CATSPERE: variants seen among roughly 807,000 people sequenced by gnomAD.
The protein encoded by CATSPERE is catsper channel auxiliary subunit epsilon, also known as cation channel sperm-associated auxiliary subunit epsilon.
In CATSPERE, 93 loss-of-function variants were observed where a neutral mutation model predicts 114.1. That is an observed-to-expected ratio of 0.81 (90% CI 0.69 to 0.97). The LOEUF (loss-of-function observed/expected upper bound fraction) is 0.97. CATSPERE is among the 50% of genes least tolerant of loss of function. CATSPERE has a pLI of 0.00. For missense variants in CATSPERE, 1,058 were observed against 1,131.6 expected, an observed-to-expected ratio of 0.93 and a Z score of 0.93; for synonymous variants, 341 against 384.1, an observed-to-expected ratio of 0.89 and a Z score of 1.31.
intron 8 of CATSPERE, among the ~76,000 whole-genome samples, chr1:244,549,640 T>C (rs1045007448): frequency 6.6e-6 from 1 of 152,114 alleles, no homozygotes; most frequent in Non-Finnish European, 1.5e-5. Flanking sequence ...GCATTTTCAG[T>C]TGTTGTGCAG....
intron 7 of CATSPERE, among the ~76,000 whole-genome samples, chr1:244,503,742 G>A (rs1215013736): frequency 6.6e-6 from 1 of 152,046 alleles, no homozygotes. Flanking sequence ...ACCACACTTG[G>A]CTAATTTTTG....
chr1:244,489,450 ATTT>A (rs10524749), intron 5 of CATSPERE, among the ~76,000 whole-genome samples: 2 of 85,542 alleles, frequency 2.3e-5, no homozygotes, highest in African/African-American at 4.5e-5. Context: ...AAGCATGCAG[ATTT>A]TTTTTTTTTT....
intron 19 of CATSPERE, among the ~76,000 whole-genome samples, chr1:244,615,950 T>TAA (rs35945015): frequency 0.011 from 1,224 of 115,710 alleles, 19 homozygotes; most frequent in African/African-American, 0.03. Context: ...CCCCATCTCC[T>TAA]AAAAAAAAAA....
At chr1:244,609,078 C>A (rs898796435) in intron 18 of CATSPERE, among the ~76,000 whole-genome samples, 2 of 151,636 alleles carry the variant, frequency 1.3e-5, no homozygotes, top group African/African-American at 2.4e-5. Flanking sequence ...CCTAGCTACT[C>A]GGGAGGCTGA....
At chr1:244,581,902 C>T (rs1383136572) in intron 12 of CATSPERE, 48 bp downstream of exon 12, 1 of 820,820 alleles carries the variant, frequency 1.2e-6, no homozygotes, top group African/African-American at 1.8e-5. Flanking sequence ...ATATGCTACT[C>T]AGGTTATTGA....
intron 7 of CATSPERE, among the ~76,000 whole-genome samples, chr1:244,515,843 TA>T (rs1300771860): frequency 1.3e-5 from 2 of 150,084 alleles, no homozygotes; most frequent in Non-Finnish European, 3.0e-5. Context: ...TTTAAAATAC[TA>T]TTTAGTATAT....
At chr1:244,565,540 G>T (rs1258559283) in intron 10 of CATSPERE, among the ~76,000 whole-genome samples, 5 of 152,034 alleles carry the variant, frequency 3.3e-5, no homozygotes, top group African/African-American at 9.7e-5. Context: ...TTGCATGGAG[G>T]TGTTTATTCT....
intron 8 of CATSPERE, among the ~76,000 whole-genome samples, chr1:244,549,717 T>G (rs754325268): frequency 3.9e-5 from 6 of 152,278 alleles, no homozygotes; most frequent in Non-Finnish European, 8.8e-5. Context: ...TACTTTGAGA[T>G]GCTTATGGGT....
At chr1:244,610,419 T>A in intron 19 of CATSPERE, 93 bp downstream of exon 19, 2 of 875,976 alleles carry the variant, frequency 2.3e-6, no homozygotes, top group Non-Finnish European at 3.8e-6. Flanking sequence ...ATTTTGGATT[T>A]AAATTTGCTT....
At chr1:244,602,426 G>A (rs1357987566) in intron 17 of CATSPERE, among the ~76,000 whole-genome samples, 1 of 152,178 alleles carries the variant, frequency 6.6e-6, no homozygotes, top group Non-Finnish European at 1.5e-5. Context: ...TGGCCACCGG[G>A]AAATTAGCCC....
chr1:244,553,632 C>CACATATATACAT (rs1243769177), intron 9 of CATSPERE, among the ~76,000 whole-genome samples: 77 of 146,164 alleles, frequency 5.3e-4, no homozygotes, highest in African/African-American at 2.0e-3. Context: ...CACACACACA[C>CACATATATACAT]ACACACACAC....
At chr1:244,551,740 A>C (rs139220970) in intron 8 of CATSPERE, among the ~76,000 whole-genome samples, 116 of 152,306 alleles carry the variant, frequency 7.6e-4, no homozygotes, top group Non-Finnish European at 1.3e-3. Context: ...ATAATGTATA[A>C]AAATTATGTA....
intron 9 of CATSPERE, among the ~76,000 whole-genome samples, chr1:244,557,532 C>CATATATATAT (rs61291602): frequency 0.01 from 419 of 40,450 alleles, 43 homozygotes; most frequent in Non-Finnish European, 0.017. Context: ...TTGAAATATT[C>CATATATATAT]ATATATATAT....
intron 1 of CATSPERE, 83 bp downstream of exon 1, chr1:244,461,577 C>T: frequency 8.6e-7 from 1 of 1,166,486 alleles, no homozygotes. Context: ...CTCTCCACCC[C>T]ATGCGCCTCG....
chr1:244,578,996 T>C (rs574361981), intron 11 of CATSPERE, among the ~76,000 whole-genome samples: 44 of 151,990 alleles, frequency 2.9e-4, no homozygotes, highest in Admixed American at 5.9e-4. Context: ...ACAGCATCAC[T>C]AGTGGCACCC....
At chr1:244,481,552 C>T (rs1418599236) in intron 5 of CATSPERE, among the ~76,000 whole-genome samples, 7 of 152,110 alleles carry the variant, frequency 4.6e-5, no homozygotes, top group Admixed American at 6.6e-5. Flanking sequence ...TTCTCTTCTC[C>T]CAAGTAGAGC....
chr1:244,463,779 G>A, intron 1 of CATSPERE, 129 bp from the exon 2 acceptor site: 1 of 779,838 alleles, frequency 1.3e-6, no homozygotes, highest in Non-Finnish European at 2.2e-6. Context: ...CTGAGTTGCT[G>A]TCAAGGAAGG....
chr1:244,451,617 G>C (rs1256897396), upstream of CATSPERE: 7 of 1,598,670 alleles, frequency 4.4e-6, no homozygotes, highest in Admixed American at 1.7e-5. This position sits in a 1 kb window ranked among gnomAD's most constrained non-coding sequence, Gnocchi z 6.6. Flanking sequence ...CTTCCCATGA[G>C]AGGCCCCGTC....
intron 17 of CATSPERE, among the ~76,000 whole-genome samples, chr1:244,602,120 A>G (rs999992277): frequency 6.6e-6 from 1 of 152,140 alleles, no homozygotes; most frequent in East Asian, 1.9e-4. Flanking sequence ...CTGGAACAGC[A>G]CTATTTGGGA....
Sources: gnomAD v4.1 joint callset for allele counts (sites outside exome capture counted in the v4.1 genomes callset) on GRCh38, gnomAD v4.1.1 for gene constraint, Gnocchi (gnomAD v3.1) non-coding constraint, MANE v1.5 for transcripts, NCBI Gene and HGNC (gene_info 2026-07-23, HGNC 2026-07-21) for gene names.